Variants in ASIP observed in about 807,000 individuals in gnomAD.
ASIP encodes agouti signaling protein, also known as agouti-signaling protein.
ASIP carries 11 observed loss-of-function variants against 10.3 expected under a neutral mutation model. The ratio of observed to expected loss-of-function variants is 1.07; its 90% CI spans 0.68 to 1.78. The LOEUF (loss-of-function observed/expected upper bound fraction) is 1.78. Among genes scored for constraint, ASIP ranks in the 40% most tolerant of loss-of-function variants. The pLI is 0.00. For synonymous variants in ASIP, 70 were observed against 70.8 expected (o/e 0.99, Z 0.06); for missense variants, 180 against 169.2 (o/e 1.06, Z -0.35).
intron 1 of ASIP, among the ~76,000 whole-genome samples, chr20:34,222,264 G>A (rs1431280816): frequency 6.6e-6 from 1 of 152,012 alleles, no homozygotes; most frequent in Non-Finnish European, 1.5e-5. Flanking sequence ...GTAGGCTACA[G>A]GGAGGAAGGA....
At chr20:34,251,624 A>G (rs1241395239) in intron 1 of ASIP, among the ~76,000 whole-genome samples, 3 of 152,214 alleles carry the variant, frequency 2.0e-5, no homozygotes, top group Non-Finnish European at 2.9e-5. Flanking sequence ...CAGGGAGGCA[A>G]GAATTGGAAA....
upstream of ASIP, among the ~76,000 whole-genome samples, chr20:34,239,675 GA>G (rs1441104707): frequency 6.6e-6 from 1 of 152,188 alleles, no homozygotes; most frequent in Non-Finnish European, 1.5e-5. Context: ...AGATCAGAGA[GA>G]AAGTAACAAA....
intron 3 of ASIP, among the ~76,000 whole-genome samples, chr20:34,263,931 A>G (rs2035740905): frequency 6.6e-6 from 1 of 152,234 alleles, no homozygotes; most frequent in South Asian, 2.1e-4. Flanking sequence ...TCAGCCTACC[A>G]AAGTGCTGGG....
chr20:34,257,070 C>CTTTTTTTTTTTTTTTTTTTTTT (rs56227909), intron 1 of ASIP, among the ~76,000 whole-genome samples: 3 of 139,414 alleles, frequency 2.2e-5, no homozygotes, highest in Non-Finnish European at 3.1e-5. Flanking sequence ...CTTTCTTTCT[C>CTTTTTTTTTTTTTTTTTTTTTT]TTTTTTTTTT....
intron 1 of ASIP, chr20:34,215,855 G>A: frequency 7.8e-7 from 1 of 1,287,666 alleles, no homozygotes; most frequent in South Asian, 1.2e-5. Context: ...GTCTGAATCA[G>A]CATTTGGATT....
chr20:34,235,862 AAGGAAAGGAAGGAAGGAAGG>A (rs2035186413), intron 1 of ASIP, among the ~76,000 whole-genome samples: 1 of 54,948 alleles, frequency 1.8e-5, no homozygotes, highest in African/African-American at 2.3e-4. Context: ...GGAAGGAAGG[AAGGAAAGGAAGGAAGGAAGG>A]AAGGAAGGAA....
At position 34,262,822 on chromosome 20, in the gene ASIP, C is replaced by T; in HGVS notation, c.161-10C>T. On this transcript the variant is annotated splice_polypyrimidine_tract_variant and intron_variant, in intron 2 of 3. Coordinates refer to ENST00000374954, the MANE Select transcript of ASIP (RefSeq NM_001672.3). ...ACATCTGACTTTGCTCCTTTTGTCT[C>T]TCTTTGAAGCGCTGAACAAGAAATC... The T allele has an allele frequency of 6.2e-7, 1 of 1,613,822 alleles. No individual in the cohort carries two copies. Among genetic ancestry groups the T allele is most frequent in the East Asian group, 2.2e-5 (1 of 44,876 alleles).
chr20:34,262,357 A>G (rs553992078), intron 2 of ASIP, among the ~76,000 whole-genome samples: 1 of 152,376 alleles, frequency 6.6e-6, no homozygotes, highest in African/African-American at 2.4e-5. Context: ...TTATATTGGC[A>G]GAGTCAGGAT....
At chr20:34,252,737 C>T (rs779151957) in intron 1 of ASIP, among the ~76,000 whole-genome samples, 6 of 152,080 alleles carry the variant, frequency 3.9e-5, no homozygotes, top group Non-Finnish European at 8.8e-5. Flanking sequence ...TCCTTTCCCA[C>T]GAGGCCATAT....
chr20:34,249,684 A>C (rs1433588913), intron 1 of ASIP, among the ~76,000 whole-genome samples: 1 of 152,028 alleles, frequency 6.6e-6, no homozygotes, highest in Non-Finnish European at 1.5e-5. Flanking sequence ...CTCAACTCTA[A>C]CACTTCCCCC....
intron 1 of ASIP, among the ~76,000 whole-genome samples, chr20:34,242,962 C>T (rs970363250): frequency 1.3e-5 from 2 of 152,192 alleles, no homozygotes; most frequent in Non-Finnish European, 2.9e-5. Context: ...AATATAGTAC[C>T]CACTAAGGTC....
intron 1 of ASIP, among the ~76,000 whole-genome samples, chr20:34,202,079 TAAAA>T (rs200525186): frequency 7.2e-6 from 1 of 139,510 alleles, no homozygotes; most frequent in East Asian, 2.0e-4. Flanking sequence ...GATAAAATTG[TAAAA>T]AAAAAAAAAA....
chr20:34,260,360 C>T lies in ASIP; in HGVS notation c.-10-5C>T, dbSNP rs2035668095. ...CCACCTGACCACCTTCTCTGTCCCA[C>T]TCAGGCCTCCTGGGATGGATGTCAC... On this transcript the variant is annotated splice_region_variant and splice_polypyrimidine_tract_variant and intron_variant, in intron 1 of 3. Coordinates refer to ENST00000374954, the MANE Select transcript of ASIP (RefSeq NM_001672.3). The T allele has an allele frequency of 6.2e-7, 1 of 1,611,600 alleles. No homozygotes were observed. The highest frequency in any genetic ancestry group is 1.3e-5 in the African/African-American group (1 of 74,918).
upstream of ASIP, among the ~76,000 whole-genome samples, chr20:34,194,311 C>T (rs2034841246): frequency 6.6e-6 from 1 of 152,158 alleles, no homozygotes; most frequent in Non-Finnish European, 1.5e-5. Flanking sequence ...ATCTTTTAAT[C>T]TGGTGAGTCT....
At position 34,264,464 on chromosome 20, in the gene ASIP, T is replaced by C. The variant is rs1418882994; in HGVS notation, c.222+1571T>C. On this transcript the variant is annotated intron_variant, in intron 3 of 3. Transcript: ENST00000374954. ...ATTTTTCAATGTGTTTAATGCAATA[T>C]TGTAAACCTTGAGTAGTACCAAGGG... Among the ~76,000 whole-genome samples the C allele has an allele frequency of 3.9e-5, 6 of 152,348 alleles. No homozygotes were observed. The East Asian group carries it at 9.6e-4, about 24-fold the overall frequency.
intron 1 of ASIP, among the ~76,000 whole-genome samples, chr20:34,217,833 A>G (rs546082926): frequency 5.4e-4 from 82 of 152,276 alleles, no homozygotes; most frequent in African/African-American, 1.9e-3. Flanking sequence ...AAGTACTGGG[A>G]TTAACAGGCG....
At chr20:34,247,232 C>T (rs2035391864) in intron 1 of ASIP, among the ~76,000 whole-genome samples, 1 of 151,642 alleles carries the variant, frequency 6.6e-6, no homozygotes. Context: ...ATATTTGCCT[C>T]ACATGGTCCT....
At chr20:34,216,851 A>G (rs890222020) in intron 1 of ASIP, among the ~76,000 whole-genome samples, 3 of 152,002 alleles carry the variant, frequency 2.0e-5, no homozygotes, top group Non-Finnish European at 2.9e-5. Flanking sequence ...TTCTTTTTTC[A>G]ATATTGTTTT....
chr20:34,193,341 A>T (rs922931092), upstream of ASIP, among the ~76,000 whole-genome samples: 2 of 152,204 alleles, frequency 1.3e-5, no homozygotes, highest in Non-Finnish European at 2.9e-5. Flanking sequence ...GAAAAGGGAT[A>T]ATAAGCCAAA....
Sources: allele counts gnomAD v4.1 joint callset (sites outside exome capture counted in the v4.1 genomes callset), GRCh38; gene constraint gnomAD v4.1.1; transcripts MANE v1.5; gene names NCBI Gene and HGNC (gene_info 2026-07-23, HGNC 2026-07-21).